The following MICALL1 variants were observed in gnomAD, a reference collection of about 807,000 sequenced individuals.
The protein encoded by MICALL1 is MICAL-like protein 1.
In MICALL1, 61 loss-of-function variants were observed where a neutral mutation model predicts 83.7. That is an observed-to-expected ratio of 0.73 (90% CI 0.59 to 0.90). MICALL1 has a LOEUF of 0.90. MICALL1 is among the 40% of genes least tolerant of loss of function. The pLI, the probability that MICALL1 is intolerant of heterozygous loss-of-function variation, is 0.00. For synonymous variants in MICALL1, 481 were observed against 473.6 expected, an observed-to-expected ratio of 1.02 and a Z score of -0.20; for missense variants, 1,066 against 1,152.0, an observed-to-expected ratio of 0.93 and a Z score of 1.08.
Position 37,922,003 on chromosome 22 carries a change from G to C in MICALL1, c.601G>C (p.Gly201Arg), listed in dbSNP as rs1396009216. 4 of 1,599,542 alleles carry C rather than the reference G, an allele frequency of 2.5e-6. No individual in the cohort carries two copies. The African/African-American group carries it at 4.0e-5, about 16-fold the overall frequency. ...GCGGTGCTCCAGCACCCTGCTCCCT[G>C]GGGCTTATGAGAATGGGCCTGAGGA... ...CRRCSSTLLPGAYENGPEEGT... is the reference protein window; with the variant it reads ...CRRCSSTLLPRAYENGPEEGT... Residue 201 changes from glycine (G) to arginine (R), a missense_variant, in exon 6 of 16, where the codon GGG becomes CGG. Gly to Arg is a moderately radical substitution (Grantham distance 125, BLOSUM62 -2). Transcript: ENST00000215957.
Position 37,932,770 on chromosome 22 carries a change from C to T in MICALL1, c.2144-28C>T, listed in dbSNP as rs1303676937. 6.2e-7 allele frequency: 1 copy of T among 1,613,808 alleles called. No homozygotes were observed. The highest frequency in any genetic ancestry group is 1.3e-5 in the African/African-American group (1 of 74,924). ...ACTGAGCCAGGCATGGCAGCCAGCC[C>T]TGGCCTCAGTGGGTATCTGGCTTCC... On this transcript the variant is annotated intron_variant, in intron 11 of 15. Transcript: ENST00000215957. This position sits in a 1 kb window ranked among gnomAD's most constrained non-coding sequence, Gnocchi z 4.4.
chr22:37,927,562 G>A lies in MICALL1; in HGVS notation c.1617G>A (p.Glu539=). 2 of 1,613,758 alleles carry A rather than the reference G, an allele frequency of 1.2e-6. No homozygotes were observed. Among genetic ancestry groups the A allele is most frequent in the Non-Finnish European group, 1.7e-6 (2 of 1,179,662 alleles). Residue 539 remains glutamate (E), a synonymous_variant, in exon 9 of 16, where the codon GAG becomes GAA. Coordinates refer to ENST00000215957, the MANE Select transcript of MICALL1 (RefSeq NM_033386.4). The part of the protein sequence containing the change: ...EPPAVPKSSS[E]PAVHAPGTPG... ...CAGCTGTGCCCAAGAGCTCCTCAGAGCCTGCTGTCCATGCCCCTGGTACCC... is the reference window on the plus strand; with the variant it reads ...CAGCTGTGCCCAAGAGCTCCTCAGAACCTGCTGTCCATGCCCCTGGTACCC...
chr22:37,936,062 G>A (rs1471610534), intron 13 of MICALL1, among the ~76,000 whole-genome samples: 1 of 152,218 alleles, frequency 6.6e-6, no homozygotes, highest in African/African-American at 2.4e-5. Context: ...GAAGCCTGTG[G>A]CGGTAGATGT....
At position 37,927,843 on chromosome 22, in the gene MICALL1, C is replaced by T. The variant is rs970307350; in HGVS notation, c.1881+17C>T. On this transcript the variant is annotated intron_variant, in intron 9 of 15. Coordinates refer to ENST00000215957, the MANE Select transcript of MICALL1 (RefSeq NM_033386.4). ...CAGGTAAAGGTGAGTGCCCCCTCAC[C>T]CTCACTAAAAGTGACATCCTCTCTA... 6.3e-7 allele frequency: 1 copy of T among 1,585,580 alleles called. No homozygotes were observed. Among genetic ancestry groups the T allele is most frequent in the African/African-American group, 1.3e-5 (1 of 74,368 alleles).
intron 15 of MICALL1, among the ~76,000 whole-genome samples, chr22:37,938,174 T>A (rs1306881470): frequency 6.6e-6 from 1 of 151,950 alleles, no homozygotes; most frequent in Non-Finnish European, 1.5e-5. Context: ...CTTGAAACAG[T>A]TAAAAGAGTA....
At chr22:37,937,379 A>G (rs1490599434) in intron 14 of MICALL1, among the ~76,000 whole-genome samples, 185 bp downstream of exon 14, 3 of 147,652 alleles carry the variant, frequency 2.0e-5, no homozygotes, top group African/African-American at 7.5e-5. Context: ...CAGAGAGGGC[A>G]TCTGCTCCTT....
At chr22:37,907,194 C>G (rs1032236096) in intron 1 of MICALL1, 3 of 152,736 alleles carry the variant, frequency 2.0e-5, no homozygotes, top group African/African-American at 7.2e-5. Flanking sequence ...GGTGTGTGCT[C>G]GATGGCCCTG....
chr22:37,940,572 C>T, intron 15 of MICALL1, 137 bp from the exon 16 acceptor site: 2 of 1,053,716 alleles, frequency 1.9e-6, no homozygotes, highest in Non-Finnish European at 2.7e-6. Flanking sequence ...TCTTGTCCCT[C>T]CCAGGCTCCA....
chr22:37,916,389 C>A (rs1398627702), intron 3 of MICALL1, among the ~76,000 whole-genome samples: 2 of 152,142 alleles, frequency 1.3e-5, no homozygotes, highest in African/African-American at 4.8e-5. Flanking sequence ...CAACTTGGCC[C>A]CTAAATGCAA....
intron 6 of MICALL1, among the ~76,000 whole-genome samples, chr22:37,922,796 G>GTTTTT (rs574266914): frequency 4.8e-4 from 33 of 69,180 alleles, no homozygotes; most frequent in East Asian, 8.5e-4. Flanking sequence ...GTTTTTTTTT[G>GTTTTT]TTTTTTTTTT....
chr22:37,937,348 C>T (rs959933572), intron 14 of MICALL1, among the ~76,000 whole-genome samples, 154 bp downstream of exon 14: 11 of 151,716 alleles, frequency 7.3e-5, no homozygotes, highest in Non-Finnish European at 1.3e-4. Flanking sequence ...CCCAGTGCAC[C>T]GTTGCTCAGC....
intron 1 of MICALL1, among the ~76,000 whole-genome samples, chr22:37,910,014 A>T (rs1364303338): frequency 6.6e-6 from 1 of 152,116 alleles, no homozygotes; most frequent in Non-Finnish European, 1.5e-5. Context: ...ACCACCCGAA[A>T]TCCAGACATG....
At chr22:37,923,005 G>C (rs1465499488) in intron 6 of MICALL1, among the ~76,000 whole-genome samples, 1 of 151,120 alleles carries the variant, frequency 6.6e-6, no homozygotes, top group Non-Finnish European at 1.5e-5. Flanking sequence ...GTGCGATCTC[G>C]GCTCACTGCA....
chr22:37,912,279 G>C (rs1928377491), intron 2 of MICALL1, 72 bp from the exon 3 acceptor site: 1 of 1,538,310 alleles, frequency 6.5e-7, no homozygotes, highest in African/African-American at 1.4e-5. Context: ...CCTAGGCTGA[G>C]GGGTCGCCCC....
At chr22:37,933,527 G>A (rs1487542160) in intron 13 of MICALL1, among the ~76,000 whole-genome samples, 1 of 152,154 alleles carries the variant, frequency 6.6e-6, no homozygotes, top group African/African-American at 2.4e-5. Flanking sequence ...GGTGTAAGAT[G>A]GGAATGAAGG....
intron 2 of MICALL1, 41 bp downstream of exon 2, chr22:37,912,041 A>ATG (rs3041723): frequency 0.021 from 31,834 of 1,512,916 alleles, 59 homozygotes; most frequent in Non-Finnish European, 0.024. Context: ...GGCTCTGTGT[A>ATG]TGTGTGTGTG....
At chr22:37,922,806 T>G (rs529159689) in intron 6 of MICALL1, among the ~76,000 whole-genome samples, 70 of 140,608 alleles carry the variant, frequency 5.0e-4, no homozygotes, top group South Asian at 1.1e-3. Flanking sequence ...GTTTTTTTTT[T>G]TTTTTTTTTT....
rs1438398548 is a variant in MICALL1 at position 37,912,039 on chromosome 22, GTA to G, written c.195+41_195+42del. 5 of 1,569,912 alleles carry G rather than the reference GTA, an allele frequency of 3.2e-6. No individual in the cohort carries two copies. The East Asian group carries it at 6.7e-5, about 21-fold the overall frequency. On this transcript the variant is annotated intron_variant, in intron 2 of 15. Transcript: ENST00000215957. ...CAGGTGGAAGCCCAAGAGGCTCTGTGTATGTGTGTGTGTGTGTGTGTGTGTTT... is the reference window on the plus strand; with the variant it reads ...CAGGTGGAAGCCCAAGAGGCTCTGTGTGTGTGTGTGTGTGTGTGTGTGTTT...
rs1459057338 is a variant in MICALL1 at position 37,927,771 on chromosome 22, G to A, written c.1826G>A (p.Gly609Glu). The A allele has an allele frequency of 6.2e-7, 1 of 1,613,380 alleles. No individual in the cohort carries two copies. Among genetic ancestry groups the A allele is most frequent in the Admixed American group, 1.7e-5 (1 of 60,010 alleles). The change falls in exon 9 of 16, where the codon GGA becomes GAA. Residue 609 changes from glycine (G) to glutamate (E), a missense_variant. Physicochemically the swap from Gly to Glu is moderately conservative, Grantham distance 98. Coordinates refer to ENST00000215957, the MANE Select transcript of MICALL1 (RefSeq NM_033386.4). ...ACCCCAACGCCTCTCTTGTTGGTTG[G>A]AGACAGGAGCCCGGTGCCTTCCCCT... is the stretch of plus-strand genomic sequence containing the variant. ...GATPTPLLLV[G>E]DRSPVPSPGS...
Sources: gnomAD v4.1 joint callset for allele counts (sites outside exome capture counted in the v4.1 genomes callset) on GRCh38, gnomAD v4.1.1 for gene constraint, Gnocchi (gnomAD v3.1) non-coding constraint, MANE v1.5 for transcripts, NCBI Gene and HGNC (gene_info 2026-07-23, HGNC 2026-07-21) for gene names.